Variants in TENM3 observed in about 807,000 individuals in gnomAD.
TENM3 encodes teneurin transmembrane protein 3.
A neutral mutation model predicts 255.1 loss-of-function variants in TENM3; 63 were observed. The observed-to-expected ratio is 0.25, with a 90% CI of 0.20 to 0.30. TENM3 has a LOEUF of 0.30. Ranked by LOEUF, TENM3 falls within the 10% of genes least tolerant of loss-of-function variation. The pLI, the probability that TENM3 is intolerant of heterozygous loss-of-function variation, is 1.00. For missense variants in TENM3, 2,929 were observed against 3,461.1 expected (o/e 0.85, Z 3.86); for synonymous variants, 1,306 against 1,322.3 (o/e 0.99, Z 0.27).
chr4:182,669,997 G>A (rs550228061), intron 6 of TENM3, among the ~76,000 whole-genome samples: 1 of 152,280 alleles, frequency 6.6e-6, no homozygotes, highest in African/African-American at 2.4e-5. Flanking sequence ...CATGACAAAT[G>A]TAGGTTCCTT....
At chr4:181,919,374 G>GGTGTGCGTGTGTGTGT in the TENM3 span, among the ~76,000 whole-genome samples, 3 of 146,746 alleles carry the variant, frequency 2.0e-5, no homozygotes, top group Non-Finnish European at 4.5e-5. Flanking sequence ...AAGCAAAGCA[G>GGTGTGCGTGTGTGTGT]GTGTGTGTGT....
At chr4:182,385,438 T>A (rs1253064260) in intron 3 of TENM3, among the ~76,000 whole-genome samples, 1 of 151,994 alleles carries the variant, frequency 6.6e-6, no homozygotes, top group Non-Finnish European at 1.5e-5. Context: ...ATAATTTTTG[T>A]ATTTTTAGTA....
At chr4:182,047,062 T>A in the TENM3 span, among the ~76,000 whole-genome samples, 1 of 151,916 alleles carries the variant, frequency 6.6e-6, no homozygotes, top group Non-Finnish European at 1.5e-5. Flanking sequence ...TCTGTTGAAG[T>A]CATCTTTCTT....
the TENM3 span, among the ~76,000 whole-genome samples, chr4:181,904,462 T>C: frequency 2.6e-5 from 4 of 152,238 alleles, no homozygotes; most frequent in Non-Finnish European, 4.4e-5. Context: ...CCGATAATTA[T>C]ATAAAACTAG....
chr4:181,735,583 T>C, the TENM3 span, among the ~76,000 whole-genome samples: 1 of 152,164 alleles, frequency 6.6e-6, no homozygotes, highest in Non-Finnish European at 1.5e-5. Flanking sequence ...TATCTCAGCA[T>C]TAAAACTAAA....
the TENM3 span, among the ~76,000 whole-genome samples, chr4:181,470,923 A>T: frequency 1.5e-3 from 229 of 152,270 alleles, no homozygotes; most frequent in Middle Eastern, 3.4e-3. Flanking sequence ...TGTCCCAGTT[A>T]CTACCTTACC....
chr4:181,562,999 C>T, the TENM3 span, among the ~76,000 whole-genome samples: 6 of 152,128 alleles, frequency 3.9e-5, no homozygotes, highest in Admixed American at 2.0e-4. Context: ...TGGGGAGTTG[C>T]GTACGATACT....
chr4:182,550,776 C>T lies in TENM3; in HGVS notation c.512-50148C>T, dbSNP rs191108840. On this transcript the variant is annotated intron_variant, in intron 3 of 27. Transcript: ENST00000511685. Reference sequence around the variant, plus strand: ...CCTCAATACTTAATATAGTGCTTAACACAGAGCAGTTACTAAATGTTTGTT... The same window carrying T: ...CCTCAATACTTAATATAGTGCTTAATACAGAGCAGTTACTAAATGTTTGTT... 2.7e-3 allele frequency among the ~76,000 whole-genome samples: 406 copies of T among 152,124 alleles called. 1 individual carries two copies. Among genetic ancestry groups the T allele is most frequent in the African/African-American group, 9.3e-3 (386 of 41,492 alleles).
chr4:182,758,573 G>T (rs975697792), intron 22 of TENM3, among the ~76,000 whole-genome samples: 1 of 152,052 alleles, frequency 6.6e-6, no homozygotes, highest in Non-Finnish European at 1.5e-5. Context: ...AATCCCCGTC[G>T]GAATGCCTTT....
intron 2 of TENM3, among the ~76,000 whole-genome samples, chr4:182,324,926 T>A (rs767561085): frequency 3.3e-5 from 5 of 152,208 alleles, no homozygotes; most frequent in Non-Finnish European, 1.5e-5. Flanking sequence ...CCCAGTGGAA[T>A]CATGACTCCT....
At chr4:182,442,879 CATAT>C (rs374176073) in intron 3 of TENM3, among the ~76,000 whole-genome samples, 2 of 128,546 alleles carry the variant, frequency 1.6e-5, no homozygotes, top group Middle Eastern at 3.8e-3. Flanking sequence ...CACACACACA[CATAT>C]ATATATATAT....
At chr4:182,779,876 C>T (rs1321230344) in intron 24 of TENM3, among the ~76,000 whole-genome samples, 3 of 152,126 alleles carry the variant, frequency 2.0e-5, no homozygotes, top group Admixed American at 6.5e-5. Context: ...AGTGTCTGTT[C>T]GTGTCCTTCG....
chr4:181,522,660 A>G, the TENM3 span: 22 of 610,218 alleles, frequency 3.6e-5, no homozygotes, highest in East Asian at 6.8e-4. Context: ...TTTCAGAACC[A>G]AAATGCAGAA....
chr4:181,880,199 A>G, the TENM3 span, among the ~76,000 whole-genome samples: 5 of 152,326 alleles, frequency 3.3e-5, no homozygotes, highest in African/African-American at 1.2e-4. Flanking sequence ...TAAGGAAGTT[A>G]GCAAGTTTGA....
At chr4:181,609,382 A>C in the TENM3 span, among the ~76,000 whole-genome samples, 1 of 152,308 alleles carries the variant, frequency 6.6e-6, no homozygotes, top group African/African-American at 2.4e-5. Context: ...TAAGCTTTTT[A>C]ATACAGTTGC....
At chr4:182,021,267 T>A in the TENM3 span, among the ~76,000 whole-genome samples, 1 of 152,218 alleles carries the variant, frequency 6.6e-6, no homozygotes, top group Admixed American at 6.5e-5. Flanking sequence ...CTGTGTAGTA[T>A]CCCATGTACA....
intron 26 of TENM3, among the ~76,000 whole-genome samples, chr4:182,794,345 T>C (rs1766334598): frequency 1.3e-5 from 2 of 152,250 alleles, no homozygotes; most frequent in African/African-American, 4.8e-5. Flanking sequence ...CTGCAACAGA[T>C]AGTAACTACC....
At chr4:182,772,242 C>T (rs1579440886) in intron 22 of TENM3, among the ~76,000 whole-genome samples, 2 of 152,244 alleles carry the variant, frequency 1.3e-5, no homozygotes, top group Admixed American at 6.5e-5. Context: ...AAACAAAACA[C>T]CTCTATCCTT....
chr4:182,526,251 A>T lies in TENM3; in HGVS notation c.512-74673A>T, dbSNP rs533475831. 2.4e-4 allele frequency among the ~76,000 whole-genome samples: 37 copies of T among 151,886 alleles called. No homozygotes were observed. The South Asian group carries it at 7.5e-3, about 31-fold the overall frequency. On this transcript the variant is annotated intron_variant, in intron 3 of 27. Coordinates refer to ENST00000511685, the MANE Select transcript of TENM3 (RefSeq NM_001080477.4). The stretch of plus-strand genomic sequence containing the variant: ...CACCTCAGCCTCCCAAAGTGCTGGG[A>T]TTACAGGCGTGAGCCACCGCGCCCA...
Sources: gnomAD v4.1 joint callset for allele counts (sites outside exome capture counted in the v4.1 genomes callset) on GRCh38, gnomAD v4.1.1 for gene constraint, MANE v1.5 for transcripts, NCBI Gene and HGNC (gene_info 2026-07-23, HGNC 2026-07-21) for gene names.